The following GABRA3 variants were observed in gnomAD, a reference collection of about 807,000 sequenced individuals.
GABRA3 encodes gamma-aminobutyric acid receptor subunit alpha-3.
A neutral mutation model predicts 30.1 loss-of-function variants in GABRA3; 10 were observed. The ratio of observed to expected loss-of-function variants is 0.33; its 90% CI spans 0.20 to 0.56. The LOEUF (loss-of-function observed/expected upper bound fraction) is 0.56. Among genes scored for constraint, GABRA3 ranks in the 20% least tolerant of loss-of-function variants. The probability of loss-of-function intolerance (pLI) is 0.89; values close to 1 mark genes in which losing one functional copy is unlikely to be tolerated. For missense variants in GABRA3, 233 were observed against 392.0 expected, an observed-to-expected ratio of 0.59 and a Z score of 3.42; for synonymous variants, 151 against 146.8, an observed-to-expected ratio of 1.03 and a Z score of -0.21.
chrX:152,186,020 T>C (rs1937248417), intron 9 of GABRA3, among the ~76,000 whole-genome samples: 1 of 111,295 alleles, frequency 9.0e-6, no homozygotes, highest in Non-Finnish European at 1.9e-5. Context: ...CAGAAAATAC[T>C]CATTCCCCAA....
rs545804593 is a variant in GABRA3, at chrX:152,344,257, G to C, written c.262+1324C>G. ...AGGAAACAGAAGCCAAATGGAATAGGCTTCCACTTAGGGAATATGGGAAAT... is the reference window on the plus strand; with the variant it reads ...AGGAAACAGAAGCCAAATGGAATAGCCTTCCACTTAGGGAATATGGGAAAT... On this transcript the variant is annotated intron_variant, in intron 3 of 9. Transcript: ENST00000370314. Among the ~76,000 whole-genome samples, 26 of 111,682 alleles carry C rather than the reference G, an allele frequency of 2.3e-4. No individual in the cohort carries two copies. The South Asian group carries it at 9.0e-3, about 38-fold the overall frequency.
At chrX:152,431,423 G>C (rs1350166571) in intron 1 of GABRA3, among the ~76,000 whole-genome samples, 1 of 112,339 alleles carries the variant, frequency 8.9e-6, no homozygotes, top group Non-Finnish European at 1.9e-5. Context: ...GTGATAAGTA[G>C]TACATAAATG....
chrX:152,190,449 G>C (rs912262842), intron 8 of GABRA3, among the ~76,000 whole-genome samples: 3 of 111,072 alleles, frequency 2.7e-5, no homozygotes, highest in Non-Finnish European at 5.7e-5. Context: ...AATGAACATG[G>C]AGATTCAAGT....
At chrX:152,361,052 C>T (rs1234849546) in intron 2 of GABRA3, among the ~76,000 whole-genome samples, 112 of 102,690 alleles carry the variant, frequency 1.1e-3, no homozygotes, top group African/African-American at 3.9e-3. Context: ...GATCACATCA[C>T]TGCATTCCAG....
At chrX:152,223,488 G>T (rs1937880612) in intron 6 of GABRA3, among the ~76,000 whole-genome samples, 1 of 109,768 alleles carries the variant, frequency 9.1e-6, no homozygotes, top group South Asian at 4.0e-4. Flanking sequence ...ACCTTTAATG[G>T]CCTATAAGAC....
intron 3 of GABRA3, among the ~76,000 whole-genome samples, chrX:152,310,653 A>G (rs1315894759): frequency 9.0e-6 from 1 of 111,503 alleles, no homozygotes; most frequent in Non-Finnish European, 1.9e-5. Context: ...TAGAGGAACT[A>G]GAAAAGCAAG....
chrX:152,450,972 C>T (rs1054233168), intron 1 of GABRA3, among the ~76,000 whole-genome samples, 174 bp downstream of exon 1: 5 of 113,179 alleles, frequency 4.4e-5, no homozygotes, highest in African/African-American at 1.3e-4. Context: ...TGCTCAGATG[C>T]CGCCTCTGGG....
intron 9 of GABRA3, among the ~76,000 whole-genome samples, chrX:152,172,666 T>C (rs756314849): frequency 8.1e-5 from 9 of 111,637 alleles, no homozygotes; most frequent in African/African-American, 2.9e-4. Flanking sequence ...CAGACATGAA[T>C]CTTGAGGATG....
chrX:152,355,292 C>T (rs1940533192), intron 2 of GABRA3, among the ~76,000 whole-genome samples: 1 of 111,521 alleles, frequency 9.0e-6, no homozygotes, highest in Non-Finnish European at 1.9e-5. Flanking sequence ...TTTCGTTTGC[C>T]TTTTCACTAT....
intron 1 of GABRA3, among the ~76,000 whole-genome samples, chrX:152,409,053 A>T (rs1375389708): frequency 8.9e-6 from 1 of 111,833 alleles, no homozygotes; most frequent in African/African-American, 3.3e-5. Context: ...GCTTCTCACC[A>T]TACATAAAAA....
At chrX:152,186,286 G>A (rs191318757) in intron 9 of GABRA3, among the ~76,000 whole-genome samples, 176 of 109,962 alleles carry the variant, frequency 1.6e-3, no homozygotes, top group African/African-American at 5.1e-3. Context: ...GTGCAATCTC[G>A]ACTCACTGCA....
intron 9 of GABRA3, among the ~76,000 whole-genome samples, chrX:152,180,218 G>C (rs190837778): frequency 9.0e-6 from 1 of 111,706 alleles, no homozygotes; most frequent in African/African-American, 3.3e-5. Flanking sequence ...AGTTATCTTC[G>C]GTCTTTTTGA....
intron 1 of GABRA3, among the ~76,000 whole-genome samples, chrX:152,449,257 AC>A (rs1931163080): frequency 8.9e-6 from 1 of 112,358 alleles, no homozygotes; most frequent in Non-Finnish European, 1.9e-5. Context: ...TTGCTCCATG[AC>A]ACAAAGAGCC....
chrX:152,316,572 T>A (rs1187830810), intron 3 of GABRA3, among the ~76,000 whole-genome samples: 5 of 111,561 alleles, frequency 4.5e-5, no homozygotes, highest in Admixed American at 1.9e-4. Context: ...TTATCTAAAG[T>A]GAAGACAAAG....
chrX:152,335,069 T>G (rs1208305556), intron 3 of GABRA3, among the ~76,000 whole-genome samples: 1 of 111,444 alleles, frequency 9.0e-6, no homozygotes, highest in East Asian at 2.8e-4. Flanking sequence ...CTCCCAGCCC[T>G]CACTTACGGC....
intron 4 of GABRA3, among the ~76,000 whole-genome samples, chrX:152,275,808 A>T (rs1939074125): frequency 9.2e-6 from 1 of 109,204 alleles, no homozygotes; most frequent in Admixed American, 1.0e-4. Flanking sequence ...TAAATCATTT[A>T]TATATATATT....
At chrX:152,251,219 T>C (rs757668215) in intron 5 of GABRA3, 1 of 237,686 alleles carries the variant, frequency 4.2e-6, no homozygotes, top group South Asian at 4.9e-5. Context: ...TAGACTCTAA[T>C]CTCATCGAAC....
Position 152,416,705 on chromosome X carries a change from C to A in GABRA3, c.-27+34441G>T, listed in dbSNP as rs935869260. Among the ~76,000 whole-genome samples, 71 of 110,761 alleles carry A rather than the reference C, an allele frequency of 6.4e-4. No individual in the cohort carries two copies. The East Asian group carries it at 0.019, about 29-fold the overall frequency. On this transcript the variant is annotated intron_variant, in intron 1 of 9. Coordinates refer to ENST00000370314, the MANE Select transcript of GABRA3 (RefSeq NM_000808.4). ...TAGATCAATGGAACAGAACAGAGCCCTCAGAAATAACACCACATATCTACA... is the reference window on the plus strand; with the variant it reads ...TAGATCAATGGAACAGAACAGAGCCATCAGAAATAACACCACATATCTACA...
Position 152,433,069 on chromosome X carries a change from A to G in GABRA3, c.-27+18077T>C, listed in dbSNP as rs185117166. On this transcript the variant is annotated intron_variant, in intron 1 of 9. Coordinates refer to ENST00000370314, the MANE Select transcript of GABRA3 (RefSeq NM_000808.4). ...GAGCATCTCAACAGATGAAGAAAAAAATCATGCAATGAAATTTTCCTCTCA... is the reference window on the plus strand; with the variant it reads ...GAGCATCTCAACAGATGAAGAAAAAGATCATGCAATGAAATTTTCCTCTCA... Among the ~76,000 whole-genome samples the G allele has an allele frequency of 2.1e-3, 236 of 111,637 alleles. 1 individual carries two copies. Among genetic ancestry groups the G allele is most frequent in the African/African-American group, 7.0e-3 (216 of 30,874 alleles).
Sources: allele counts gnomAD v4.1 joint callset (sites outside exome capture counted in the v4.1 genomes callset), GRCh38; gene constraint gnomAD v4.1.1; transcripts MANE v1.5; gene names NCBI Gene and HGNC (gene_info 2026-07-23, HGNC 2026-07-21).